Variants in DOCK3 observed in about 807,000 individuals in gnomAD.
DOCK3 encodes dedicator of cytokinesis protein 3.
A neutral mutation model predicts 265.6 loss-of-function variants in DOCK3; 60 were observed. The ratio of observed to expected loss-of-function variants is 0.23; its 90% confidence interval spans 0.18 to 0.28. The LOEUF (loss-of-function observed/expected upper bound fraction) is 0.28. Among genes scored for constraint, DOCK3 ranks in the 10% least tolerant of loss-of-function variants. The pLI is 1.00. For missense variants in DOCK3, 1,981 were observed against 2,594.3 expected (o/e 0.76, Z 5.14); for synonymous variants, 881 against 938.0 (o/e 0.94, Z 1.11).
chr3:50,914,759 G>T (rs933004112), intron 4 of DOCK3, among the ~76,000 whole-genome samples: 1 of 152,122 alleles, frequency 6.6e-6, no homozygotes, highest in African/African-American at 2.4e-5. Context: ...TTTCTGTCCA[G>T]ATGATCTGTC....
chr3:51,265,866 AAAAT>A (rs1174110280), intron 23 of DOCK3, among the ~76,000 whole-genome samples: 2 of 152,194 alleles, frequency 1.3e-5, no homozygotes, highest in African/African-American at 2.4e-5. Flanking sequence ...GCAAGAGAAA[AAAAT>A]AAAGGGCATT....
chr3:50,836,606 G>T (rs778576724), intron 2 of DOCK3, among the ~76,000 whole-genome samples: 2 of 152,132 alleles, frequency 1.3e-5, no homozygotes, highest in Non-Finnish European at 2.9e-5. Flanking sequence ...TCCCTCCTAG[G>T]CGTCTGGGCC....
At chr3:51,256,514 G>A (rs1269050059) in intron 22 of DOCK3, among the ~76,000 whole-genome samples, 12 of 150,496 alleles carry the variant, frequency 8.0e-5, no homozygotes, top group African/African-American at 2.7e-4. Context: ...CAGGTGATCC[G>A]GCTGCCTTGG....
chr3:50,832,327 A>C (rs996400855), intron 2 of DOCK3, among the ~76,000 whole-genome samples: 1 of 152,236 alleles, frequency 6.6e-6, no homozygotes, highest in Non-Finnish European at 1.5e-5. Flanking sequence ...CTAAAACACC[A>C]AAAGCAATGG....
At chr3:50,865,505 G>A (rs565359189) in intron 3 of DOCK3, among the ~76,000 whole-genome samples, 19 of 152,184 alleles carry the variant, frequency 1.2e-4, no homozygotes, top group Non-Finnish European at 2.2e-4. Flanking sequence ...TGACTGAATA[G>A]TACTCCATTG....
intron 10 of DOCK3, among the ~76,000 whole-genome samples, chr3:51,152,863 T>C (rs1467939435): frequency 6.6e-6 from 1 of 152,198 alleles, no homozygotes; most frequent in East Asian, 1.9e-4. Context: ...TGATCCTTCC[T>C]CTGGAGGCTT....
Position 50,832,489 on chromosome 3 carries a change from C to A in DOCK3, c.122-9186C>A, listed in dbSNP as rs140894876. Among the ~76,000 whole-genome samples the A allele has an allele frequency of 1.9e-3, 286 of 152,294 alleles. 2 individuals carry two copies. Among genetic ancestry groups the A allele is most frequent in the African/African-American group, 6.5e-3 (271 of 41,574 alleles). ...CTGACAAAGGTCTAATATCCAGAAT[C>A]TACAAGGAGCTTAAACAAATTTAGA... On this transcript the variant is annotated intron_variant, in intron 2 of 52. Coordinates refer to ENST00000266037, the MANE Select transcript of DOCK3 (RefSeq NM_004947.5).
chr3:51,196,425 T>A (rs1262556654), intron 12 of DOCK3, among the ~76,000 whole-genome samples: 1 of 152,226 alleles, frequency 6.6e-6, no homozygotes, highest in Non-Finnish European at 1.5e-5. Flanking sequence ...CTGAGTCTCT[T>A]GTATCTGAAA....
intron 2 of DOCK3, among the ~76,000 whole-genome samples, chr3:50,813,968 G>A (rs1576516358): frequency 6.6e-6 from 1 of 152,138 alleles, no homozygotes; most frequent in African/African-American, 2.4e-5. Context: ...TAAATACTAA[G>A]TGCAATGTAT....
chr3:51,131,899 A>G (rs2084570480), intron 9 of DOCK3, among the ~76,000 whole-genome samples: 1 of 152,206 alleles, frequency 6.6e-6, no homozygotes, highest in Non-Finnish European at 1.5e-5. Flanking sequence ...AGGGCTCTTC[A>G]AATTATAGGC....
At position 50,675,394 on chromosome 3, in the gene DOCK3, C is replaced by G. The variant is rs2033863213; in HGVS notation, c.37+94C>G. On this transcript the variant is annotated intron_variant, in intron 1 of 52. Transcript: ENST00000266037. The surrounding 1 kb of genome is among the most constrained non-coding windows in gnomAD (Gnocchi z 6.1). ...GATTCGCATCCTCGTGCCCCCGCCA[C>G]TGCCCGCAGGCTGCGCGGCCTCGGC... The G allele has an allele frequency of 2.8e-6, 3 of 1,084,852 alleles. No homozygotes were observed. Among genetic ancestry groups the G allele is most frequent in the Non-Finnish European group, 2.3e-6 (2 of 869,108 alleles). 67.2% of individuals were successfully genotyped at this position (1,084,852 alleles called of 1,614,324 possible).
At chr3:51,002,582 TAAGTTA>T (rs2078527596) in intron 5 of DOCK3, among the ~76,000 whole-genome samples, 1 of 152,230 alleles carries the variant, frequency 6.6e-6, no homozygotes, top group Non-Finnish European at 1.5e-5. Flanking sequence ...TGATCCAGTT[TAAGTTA>T]ATTTTTATGT....
chr3:50,687,377 CAAGT>C (rs920223558), intron 1 of DOCK3, among the ~76,000 whole-genome samples: 4 of 152,294 alleles, frequency 2.6e-5, no homozygotes, highest in South Asian at 2.1e-4. Context: ...ATATGTCACA[CAAGT>C]AAGCAGTTTG....
chr3:50,904,247 G>A (rs2049354244), intron 4 of DOCK3, among the ~76,000 whole-genome samples: 1 of 152,154 alleles, frequency 6.6e-6, no homozygotes, highest in South Asian at 2.1e-4. Flanking sequence ...CTTTATAGTA[G>A]CATGATTTAT....
chr3:50,819,616 T>C (rs951272356), intron 2 of DOCK3, among the ~76,000 whole-genome samples: 7 of 152,170 alleles, frequency 4.6e-5, no homozygotes, highest in African/African-American at 1.7e-4. Context: ...ACACTAATTA[T>C]AATGCATTAG....
intron 49 of DOCK3, among the ~76,000 whole-genome samples, chr3:51,366,108 A>G (rs1369886424): frequency 3.3e-5 from 5 of 152,146 alleles, no homozygotes; most frequent in African/African-American, 7.2e-5. Flanking sequence ...CTGTGAATCC[A>G]TCTGGTCTTG....
At chr3:51,380,912 T>C in intron 52 of DOCK3, 138 bp from the exon 53 acceptor site, 5 of 1,132,652 alleles carry the variant, frequency 4.4e-6, no homozygotes, top group Non-Finnish European at 1.2e-6. Context: ...AGCTGGGAGC[T>C]TGCTGCTGAA....
intron 25 of DOCK3, among the ~76,000 whole-genome samples, chr3:51,277,031 A>T (rs2080853778): frequency 1.3e-5 from 2 of 152,016 alleles, no homozygotes; most frequent in Admixed American, 1.3e-4. Flanking sequence ...CGAGCAAGAG[A>T]GCTGAGGAGC....
At chr3:51,021,162 T>A (rs2079573263) in intron 5 of DOCK3, among the ~76,000 whole-genome samples, 1 of 151,680 alleles carries the variant, frequency 6.6e-6, no homozygotes, top group African/African-American at 2.4e-5. Flanking sequence ...GTTTTGTAGT[T>A]CTCCTTGAAG....
Sources: allele counts gnomAD v4.1 joint callset (sites outside exome capture counted in the v4.1 genomes callset), GRCh38; gene constraint gnomAD v4.1.1; non-coding constraint Gnocchi (gnomAD v3.1); transcripts MANE v1.5; gene names NCBI Gene and HGNC (gene_info 2026-07-23, HGNC 2026-07-21).